The following SLCO6A1 variants were observed in gnomAD, a reference collection of about 807,000 sequenced individuals.
SLCO6A1 encodes solute carrier organic anion transporter family member 6A1, also known as cancer/testis antigen 48.
SLCO6A1 carries 65 observed loss-of-function variants against 72.7 expected under a neutral mutation model. The observed-to-expected ratio is 0.89, with a 90% CI of 0.73 to 1.10. The LOEUF is 1.10. SLCO6A1 is among the 50% of genes least tolerant of loss of function. The pLI, the probability that SLCO6A1 is intolerant of heterozygous loss-of-function variation, is 0.00. For synonymous variants in SLCO6A1, 314 were observed against 298.2 expected, an observed-to-expected ratio of 1.05 and a Z score of -0.55; for missense variants, 874 against 872.6, an observed-to-expected ratio of 1.00 and a Z score of -0.02.
chr5:102,415,801 C>G (rs1293709260), intron 8 of SLCO6A1, among the ~76,000 whole-genome samples: 1 of 152,034 alleles, frequency 6.6e-6, no homozygotes, highest in Non-Finnish European at 1.5e-5. Flanking sequence ...TATTTTCAAG[C>G]TATCCATCCA....
intron 4 of SLCO6A1, among the ~76,000 whole-genome samples, chr5:102,461,503 C>T (rs541687108): frequency 6.6e-6 from 1 of 151,900 alleles, no homozygotes; most frequent in Non-Finnish European, 1.5e-5. Context: ...CTTCTCTTAC[C>T]AAATAGAAAA....
chr5:102,486,712 C>T (rs1475892852), intron 1 of SLCO6A1, among the ~76,000 whole-genome samples: 1 of 151,988 alleles, frequency 6.6e-6, no homozygotes, highest in East Asian at 1.9e-4. Context: ...TGTTTGTGTA[C>T]CAATTCCAAG....
chr5:102,413,687 T>C (rs1483936203), intron 8 of SLCO6A1, among the ~76,000 whole-genome samples: 1 of 152,176 alleles, frequency 6.6e-6, no homozygotes, highest in South Asian at 2.1e-4. Flanking sequence ...TTTAAGAAAC[T>C]GTCAGTTTTT....
intron 4 of SLCO6A1, among the ~76,000 whole-genome samples, chr5:102,466,280 G>T (rs184460021): frequency 6.6e-6 from 1 of 151,938 alleles, no homozygotes; most frequent in African/African-American, 2.4e-5. Context: ...TACGGTATTT[G>T]GTTTTCTATT....
intron 1 of SLCO6A1, among the ~76,000 whole-genome samples, chr5:102,485,253 AAAATAAATAAAT>A (rs71620660): frequency 2.2e-4 from 32 of 145,284 alleles, no homozygotes; most frequent in South Asian, 1.5e-3. Context: ...CTCCATCTCA[AAAATAAATAAAT>A]AAATAAATAA....
At chr5:102,489,516 C>G (rs934712446) in intron 1 of SLCO6A1, among the ~76,000 whole-genome samples, 2 of 151,942 alleles carry the variant, frequency 1.3e-5, no homozygotes, top group East Asian at 3.9e-4. Flanking sequence ...TTTTAATGCT[C>G]AACATCACTA....
intron 1 of SLCO6A1, 54 bp from the exon 2 acceptor site, chr5:102,480,488 T>A: frequency 6.6e-7 from 1 of 1,523,836 alleles, no homozygotes; most frequent in Non-Finnish European, 8.9e-7. Context: ...AAGAGGTCAT[T>A]ATGATTATTA....
At chr5:102,433,654 G>A (rs565484418) in intron 7 of SLCO6A1, among the ~76,000 whole-genome samples, 2 of 152,230 alleles carry the variant, frequency 1.3e-5, no homozygotes, top group South Asian at 4.2e-4. Context: ...AGGTGCTCCT[G>A]GACTGCTGGT....
intron 7 of SLCO6A1, among the ~76,000 whole-genome samples, chr5:102,421,379 T>G (rs1369760244): frequency 6.6e-6 from 1 of 152,108 alleles, no homozygotes; most frequent in East Asian, 1.9e-4. Context: ...TGGCTTGAAA[T>G]TCTTGCTGCC....
In SLCO6A1 at chr5:102,399,747, G is replaced by A; in HGVS notation, c.1627-5C>T. 1 of 1,516,070 alleles carries A rather than the reference G, an allele frequency of 6.6e-7. No individual in the cohort carries two copies. The highest frequency in any genetic ancestry group is 8.9e-7 in the Non-Finnish European group (1 of 1,125,754). The allele number at this position is 1,516,070 out of a possible 1,614,324, so 93.9% of individuals were successfully genotyped here. ...GCAAGAACAATTGTAGTACATCTGT[G>A]AGTATTGAAGACAGGAAACAATCTT... On this transcript the variant is annotated splice_region_variant and splice_polypyrimidine_tract_variant and intron_variant, in intron 9 of 13. Coordinates refer to ENST00000506729, the MANE Select transcript of SLCO6A1 (RefSeq NM_173488.5).
intron 1 of SLCO6A1, among the ~76,000 whole-genome samples, chr5:102,488,759 T>C (rs1240582537): frequency 1.3e-5 from 2 of 152,226 alleles, no homozygotes; most frequent in Non-Finnish European, 2.9e-5. Flanking sequence ...ACAAGGTCAG[T>C]ACTGTCTTCA....
intron 8 of SLCO6A1, among the ~76,000 whole-genome samples, chr5:102,416,406 A>G (rs1748288490): frequency 6.6e-6 from 1 of 152,078 alleles, no homozygotes; most frequent in African/African-American, 2.4e-5. Flanking sequence ...TAAGAAAAAA[A>G]TGAAATAATG....
Position 102,477,744 on chromosome 5 carries a change from G to C in SLCO6A1, c.734C>G (p.Pro245Arg), listed in dbSNP as rs201675593. The change falls in exon 3 of 14, where the codon CCT becomes CGT. Residue 245 changes from proline (P) to arginine (R), a missense_variant. By Grantham distance (103) the Pro-to-Arg change is moderately radical. Transcript: ENST00000506729. Reference sequence around the variant, plus strand: ...AAAGGTTATTCCAAGGATATAAAGAGGCATTCCTGCTATTCCCTGCACAGT... The same window carrying C: ...AAAGGTTATTCCAAGGATATAAAGACGCATTCCTGCTATTCCCTGCACAGT... Reference protein sequence around the residue: ...GQTVQGIAGMPLYILGITFID... With the variant: ...GQTVQGIAGMRLYILGITFID... 1 of 1,613,710 alleles carries C rather than the reference G, an allele frequency of 6.2e-7. No homozygotes were observed. The highest frequency in any genetic ancestry group is 8.5e-7 in the Non-Finnish European group (1 of 1,179,824).
rs1280775064 is a variant in SLCO6A1, at chr5:102,371,841, A to G, written c.*298T>C. On this transcript the variant is annotated 3_prime_UTR_variant, in exon 14 of 14. Coordinates refer to ENST00000506729, the MANE Select transcript of SLCO6A1 (RefSeq NM_173488.5). ...GTTGTATAATTTTTAATATTTCTAG[A>G]CAGCAGAATATTAAGAAGAAATGTA... 1 of 151,954 alleles carries G rather than the reference A, an allele frequency of 6.6e-6. No individual in the cohort carries two copies. Among genetic ancestry groups the G allele is most frequent in the African/African-American group, 2.4e-5 (1 of 41,418 alleles). 9.4% of individuals were successfully genotyped at this position (151,954 alleles called of 1,614,324 possible). A position where few individuals can be genotyped will look rare whatever the true frequency, so the allele number is the denominator to read the frequency against.
At chr5:102,448,316 G>A (rs115773954) in intron 6 of SLCO6A1, among the ~76,000 whole-genome samples, 48 of 152,306 alleles carry the variant, frequency 3.2e-4, no homozygotes, top group African/African-American at 1.2e-3. Flanking sequence ...TAGAGGATGT[G>A]CCATGTGCAG....
chr5:102,394,252 TTTAA>T (rs1746938729), intron 10 of SLCO6A1, among the ~76,000 whole-genome samples: 1 of 152,220 alleles, frequency 6.6e-6, no homozygotes, highest in African/African-American at 2.4e-5. Context: ...TTCCCTTGCC[TTTAA>T]TTATCACTTA....
intron 1 of SLCO6A1, among the ~76,000 whole-genome samples, chr5:102,483,813 T>C (rs1752321406): frequency 6.6e-6 from 1 of 152,202 alleles, no homozygotes; most frequent in Admixed American, 6.5e-5. Flanking sequence ...TCACCAAATT[T>C]CACCCAGATG....
At position 102,391,911 on chromosome 5, in the gene SLCO6A1, GA is replaced by G. The variant is rs577173840; in HGVS notation, c.1815-867del. Among the ~76,000 whole-genome samples, 184 of 150,742 alleles carry G rather than the reference GA, an allele frequency of 1.2e-3. 1 individual carries two copies. The highest frequency in any genetic ancestry group is 2.0e-3 in the Non-Finnish European group (133 of 67,572). ...TCAAACCAAGCATTTGTTTAAAAAA[GA>G]AAAAAATGTATAACCGTACATATTA... On this transcript the variant is annotated intron_variant, in intron 10 of 13. Transcript: ENST00000506729.
intron 6 of SLCO6A1, among the ~76,000 whole-genome samples, chr5:102,450,821 C>T (rs10053827): frequency 0.19 from 28,550 of 152,190 alleles, 3,540 homozygotes; most frequent in Non-Finnish European, 0.24. Context: ...AGGGGGCTCA[C>T]AGGCAAGAAA....
Sources: allele counts gnomAD v4.1 joint callset (sites outside exome capture counted in the v4.1 genomes callset), GRCh38; gene constraint gnomAD v4.1.1; transcripts MANE v1.5; gene names NCBI Gene and HGNC (gene_info 2026-07-23, HGNC 2026-07-21).